The following SORCS2 variants were observed in gnomAD, a reference collection of about 807,000 sequenced individuals.
The protein encoded by SORCS2 is VPS10 domain-containing receptor SorCS2.
SORCS2 carries 100 observed loss-of-function variants against 141.6 expected under a neutral mutation model. The ratio of observed to expected loss-of-function variants is 0.71; its 90% confidence interval spans 0.60 to 0.83. The LOEUF (loss-of-function observed/expected upper bound fraction) is 0.83. Ranked by LOEUF, SORCS2 falls within the 40% of genes least tolerant of loss-of-function variation. The pLI, the probability that SORCS2 is intolerant of heterozygous loss-of-function variation, is 0.00. For synonymous variants in SORCS2, 789 were observed against 676.9 expected, an observed-to-expected ratio of 1.17 and a Z score of -2.57; for missense variants, 1,646 against 1,560.2, an observed-to-expected ratio of 1.05 and a Z score of -0.93.
chr4:7,446,350 A>G (rs1364857609), intron 2 of SORCS2, among the ~76,000 whole-genome samples: 1 of 152,192 alleles, frequency 6.6e-6, no homozygotes, highest in East Asian at 1.9e-4. Context: ...GGCACCTCGC[A>G]GTGGCGTCCG....
At chr4:7,601,231 CA>C (rs1291556282) in intron 3 of SORCS2, among the ~76,000 whole-genome samples, 1 of 151,978 alleles carries the variant, frequency 6.6e-6, no homozygotes, top group Non-Finnish European at 1.5e-5. Context: ...ATTTTAACTC[CA>C]AAAAACCAGC....
chr4:7,484,243 C>T (rs1056858334), intron 2 of SORCS2, among the ~76,000 whole-genome samples: 2 of 152,218 alleles, frequency 1.3e-5, no homozygotes, highest in African/African-American at 2.4e-5. Context: ...ACGTATTTTC[C>T]GAGGTGATCG....
rs201951419 is a variant in SORCS2, at chr4:7,724,825, A to G, written c.2612-329A>G. ...TGGTGGTGATGGTGGTGGTGATGGC[A>G]GTGATGATGGTGGAGGTGATGGTGG... On this transcript the variant is annotated intron_variant, in intron 19 of 26. Transcript: ENST00000507866. 6.8e-5 allele frequency among the ~76,000 whole-genome samples: 5 copies of G among 73,842 alleles called. 1 individual carries two copies. Among genetic ancestry groups the G allele is most frequent in the African/African-American group, 2.1e-4 (4 of 19,038 alleles). The allele number at this position is 73,842 out of a possible 152,430, so 48.4% of individuals were successfully genotyped here. A position where few individuals can be genotyped will look rare whatever the true frequency, so the allele number is the denominator to read the frequency against.
intron 2 of SORCS2, among the ~76,000 whole-genome samples, chr4:7,511,555 G>C (rs1732654798): frequency 6.6e-6 from 1 of 152,026 alleles, no homozygotes; most frequent in Admixed American, 6.6e-5. Context: ...AAGGCCCAGG[G>C]GTTGAAGAGA....
chr4:7,407,942 CA>C (rs34183301), intron 2 of SORCS2, among the ~76,000 whole-genome samples: 59,093 of 151,394 alleles, frequency 0.39, 11,791 homozygotes, highest in Middle Eastern at 0.51. Flanking sequence ...AGAATAGAAA[CA>C]AAAAAAATTA....
chr4:7,655,968 C>T (rs947378240), intron 5 of SORCS2, among the ~76,000 whole-genome samples: 13 of 152,232 alleles, frequency 8.5e-5, no homozygotes, highest in Non-Finnish European at 1.6e-4. Flanking sequence ...CCCCAAGTTT[C>T]CCTGCTGTTA....
intron 2 of SORCS2, among the ~76,000 whole-genome samples, chr4:7,488,178 C>G (rs932196077): frequency 6.6e-6 from 1 of 152,240 alleles, no homozygotes; most frequent in African/African-American, 2.4e-5. Context: ...CAGGCAAGGG[C>G]CAGGCTCCCG....
chr4:7,609,498 C>G lies in SORCS2; in HGVS notation c.649-28830C>G, dbSNP rs557796157. ...TCAGACCCTCCTCTGTGACCTCCCC[C>G]GTCCAGCCCCTGTGGTTTCTCCTTG... On this transcript the variant is annotated intron_variant, in intron 3 of 26. Coordinates refer to ENST00000507866, the MANE Select transcript of SORCS2 (RefSeq NM_020777.3). Among the ~76,000 whole-genome samples, 7 of 152,330 alleles carry G rather than the reference C, an allele frequency of 4.6e-5. No individual in the cohort carries two copies. The East Asian group carries it at 1.2e-3, about 25-fold the overall frequency.
chr4:7,726,192 T>A (rs1727208806), intron 20 of SORCS2, among the ~76,000 whole-genome samples: 1 of 152,120 alleles, frequency 6.6e-6, no homozygotes, highest in Non-Finnish European at 1.5e-5. Flanking sequence ...GCGGTGGCCA[T>A]GTGTGGAGAT....
chr4:7,300,735 G>T (rs997711087), intron 1 of SORCS2, among the ~76,000 whole-genome samples: 1 of 152,194 alleles, frequency 6.6e-6, no homozygotes, highest in East Asian at 1.9e-4. Context: ...ATAGCCTGAG[G>T]CTACCCTCCC....
chr4:7,243,401 G>A (rs1712847244), intron 1 of SORCS2, among the ~76,000 whole-genome samples: 1 of 152,122 alleles, frequency 6.6e-6, no homozygotes, highest in Non-Finnish European at 1.5e-5. Context: ...CCTAGGAGTG[G>A]TGATTTGCTA....
At chr4:7,709,545 A>T (rs569316721) in intron 14 of SORCS2, among the ~76,000 whole-genome samples, 1 of 152,340 alleles carries the variant, frequency 6.6e-6, no homozygotes, top group Non-Finnish European at 1.5e-5. Context: ...GCATCTTCAG[A>T]CAGCTTCCCA....
chr4:7,612,703 A>G (rs1025227916), intron 3 of SORCS2, among the ~76,000 whole-genome samples: 3 of 152,340 alleles, frequency 2.0e-5, no homozygotes, highest in Middle Eastern at 3.4e-3. Context: ...ATCAATGTCA[A>G]TAACAACTGT....
intron 12 of SORCS2, among the ~76,000 whole-genome samples, chr4:7,702,557 G>A (rs546082530): frequency 6.2e-4 from 94 of 152,344 alleles, no homozygotes; most frequent in Non-Finnish European, 1.1e-3. Flanking sequence ...CCTCCCGGGT[G>A]AGCCCTGTCC....
chr4:7,396,945 A>G (rs935869179), intron 2 of SORCS2, among the ~76,000 whole-genome samples: 3 of 152,200 alleles, frequency 2.0e-5, no homozygotes, highest in Admixed American at 6.5e-5. Flanking sequence ...ATCCTCCTCA[A>G]TATTTACATC....
intron 1 of SORCS2, among the ~76,000 whole-genome samples, chr4:7,350,312 C>A (rs754207608): frequency 2.6e-5 from 4 of 152,232 alleles, no homozygotes; most frequent in Non-Finnish European, 5.9e-5. Context: ...CAGAGTGGGG[C>A]TACAGTTCAG....
At chr4:7,223,802 G>A (rs538557871) in intron 1 of SORCS2, among the ~76,000 whole-genome samples, 4 of 152,218 alleles carry the variant, frequency 2.6e-5, no homozygotes, top group South Asian at 2.1e-4. Flanking sequence ...CACACCTGTC[G>A]CCTGTGCAGT....
chr4:7,443,926 C>T (rs929415122), intron 2 of SORCS2, among the ~76,000 whole-genome samples: 2 of 152,232 alleles, frequency 1.3e-5, no homozygotes, highest in Non-Finnish European at 2.9e-5. Flanking sequence ...CCGCTGCTGG[C>T]CGATCTTAAC....
chr4:7,618,568 C>CT (rs1264634125), intron 3 of SORCS2, among the ~76,000 whole-genome samples: 1 of 152,178 alleles, frequency 6.6e-6, no homozygotes. Flanking sequence ...ATGCCTCCAG[C>CT]TTCGGGACTC....
Sources: gnomAD v4.1 joint callset for allele counts (sites outside exome capture counted in the v4.1 genomes callset) on GRCh38, gnomAD v4.1.1 for gene constraint, MANE v1.5 for transcripts, NCBI Gene and HGNC (gene_info 2026-07-23, HGNC 2026-07-21) for gene names.